PALS2: variants seen among roughly 807,000 people sequenced by gnomAD.
The protein encoded by PALS2 is protein associated with LIN7 2, MAGUK p55 family member, also known as protein PALS2.
A neutral mutation model predicts 61.6 loss-of-function variants in PALS2; 27 were observed. That is an observed-to-expected ratio of 0.44 (90% CI 0.32 to 0.60). PALS2 has a LOEUF of 0.60. Among genes scored for constraint, PALS2 ranks in the 20% least tolerant of loss-of-function variants. The probability of loss-of-function intolerance (pLI) is 0.05; values close to 1 mark genes in which losing one functional copy is unlikely to be tolerated. For synonymous variants in PALS2, 236 were observed against 218.6 expected, an observed-to-expected ratio of 1.08 and a Z score of -0.70; for missense variants, 554 against 639.4, an observed-to-expected ratio of 0.87 and a Z score of 1.44.
rs141729135 is a variant in PALS2, at chr7:24,634,555, G to A, written c.118-7161G>A. On this transcript the variant is annotated intron_variant, in intron 2 of 11. Coordinates refer to ENST00000222644, the MANE Select transcript of PALS2 (RefSeq NM_001303037.2). ...GAAGCACAGAAGCTTTTAATTTGATGAAGTCCAAGTTGTCTTTTTGTCTTT... is the reference window on the plus strand; with the variant it reads ...GAAGCACAGAAGCTTTTAATTTGATAAAGTCCAAGTTGTCTTTTTGTCTTT... Among the ~76,000 whole-genome samples, 61 of 152,210 alleles carry A rather than the reference G, an allele frequency of 4.0e-4. 1 individual carries two copies. Among genetic ancestry groups the A allele is most frequent in the Middle Eastern group, 3.4e-3 (1 of 294 alleles).
chr7:24,630,474 A>G (rs1784952195), intron 2 of PALS2, among the ~76,000 whole-genome samples: 1 of 152,126 alleles, frequency 6.6e-6, no homozygotes, highest in African/African-American at 2.4e-5. Flanking sequence ...CCAGAACTTA[A>G]AGTATAATAA....
rs1788240798 is a variant in PALS2, at chr7:24,687,073, T to C, written c.1447-365T>C. ...ACCATGTTGTACATGGGCCATGAGATAAAAATCTTTCGAAAAGGATGATAT... is the reference window on the plus strand; with the variant it reads ...ACCATGTTGTACATGGGCCATGAGACAAAAATCTTTCGAAAAGGATGATAT... On this transcript the variant is annotated intron_variant, in intron 11 of 11. Coordinates refer to ENST00000222644, the MANE Select transcript of PALS2 (RefSeq NM_001303037.2). This position sits in a 1 kb window ranked among gnomAD's most constrained non-coding sequence, Gnocchi z 4.5. Among the ~76,000 whole-genome samples, 1 of 152,206 alleles carries C rather than the reference T, an allele frequency of 6.6e-6. No homozygotes were observed. The highest frequency in any genetic ancestry group is 6.5e-5 in the Admixed American group (1 of 15,284).
chr7:24,600,476 T>C (rs1783680728), intron 1 of PALS2, among the ~76,000 whole-genome samples: 1 of 152,188 alleles, frequency 6.6e-6, no homozygotes, highest in Non-Finnish European at 1.5e-5. Flanking sequence ...GTATAACATA[T>C]AATATTCAAA....
intron 11 of PALS2, among the ~76,000 whole-genome samples, chr7:24,684,248 C>T (rs1471914750): frequency 3.3e-5 from 5 of 152,102 alleles, no homozygotes; most frequent in South Asian, 2.1e-4. Flanking sequence ...TACAGGCATG[C>T]GCCACCACAC....
At chr7:24,607,139 AG>A (rs1783929349) in intron 1 of PALS2, among the ~76,000 whole-genome samples, 1 of 152,110 alleles carries the variant, frequency 6.6e-6, no homozygotes, top group Non-Finnish European at 1.5e-5. Context: ...TATATTTTTC[AG>A]GTAAGAAGAT....
chr7:24,678,047 C>T lies in PALS2; in HGVS notation c.1115-1084C>T, dbSNP rs537679097. ...AGTTAATAATTCCATCAGTTATTCT[C>T]CAACTACTTAGCTAATAGAAACAGG... On this transcript the variant is annotated intron_variant, in intron 9 of 11. Transcript: ENST00000222644. Among the ~76,000 whole-genome samples, 7 of 152,274 alleles carry T rather than the reference C, an allele frequency of 4.6e-5. No homozygotes were observed. The South Asian group carries it at 1.2e-3, about 27-fold the overall frequency.
intron 8 of PALS2, among the ~76,000 whole-genome samples, chr7:24,668,262 A>G (rs1165973143): frequency 6.6e-6 from 1 of 152,144 alleles, no homozygotes; most frequent in African/African-American, 2.4e-5. Flanking sequence ...GTGAGCTAAG[A>G]TTGCACCACT....
At chr7:24,648,618 A>G (rs1419656338) in intron 3 of PALS2, among the ~76,000 whole-genome samples, 18 of 152,126 alleles carry the variant, frequency 1.2e-4, no homozygotes. Flanking sequence ...TTAGGATAAG[A>G]AATGAAAAAA....
rs1238608330 is a variant in PALS2 at position 24,596,805 on chromosome 7, G to A, written c.-3+23212G>A. On this transcript the variant is annotated intron_variant, in intron 1 of 11. Coordinates refer to ENST00000222644, the MANE Select transcript of PALS2 (RefSeq NM_001303037.2). The surrounding 1 kb of genome is among the most constrained non-coding windows in gnomAD (Gnocchi z 4.5). ...GACATAGTAGGAAGCATGGACTGTG[G>A]TGGGGAGAGATTGGGGATTAGTATA... 6.6e-6 allele frequency among the ~76,000 whole-genome samples: 1 copy of A among 152,172 alleles called. No homozygotes were observed. The highest frequency in any genetic ancestry group is 2.4e-5 in the African/African-American group (1 of 41,450).
intron 1 of PALS2, among the ~76,000 whole-genome samples, chr7:24,574,885 A>G (rs1001025055): frequency 6.6e-6 from 1 of 152,144 alleles, no homozygotes; most frequent in African/African-American, 2.4e-5. Flanking sequence ...ATAGCAACGG[A>G]CCTCAAGTAA....
chr7:24,650,362 C>A, intron 4 of PALS2, 123 bp from the exon 5 acceptor site: 1 of 809,530 alleles, frequency 1.2e-6, no homozygotes, highest in South Asian at 1.9e-5. Flanking sequence ...CAGGAGAGAA[C>A]ATGGGAAAAG....
At chr7:24,579,743 T>G (rs1379204029) in intron 1 of PALS2, among the ~76,000 whole-genome samples, 3 of 152,220 alleles carry the variant, frequency 2.0e-5, no homozygotes, top group Non-Finnish European at 4.4e-5. Context: ...ATAATTCTTA[T>G]GTTTTTGGAA....
At chr7:24,684,833 A>C (rs1788111460) in intron 11 of PALS2, among the ~76,000 whole-genome samples, 1 of 152,218 alleles carries the variant, frequency 6.6e-6, no homozygotes, top group South Asian at 2.1e-4. Flanking sequence ...TATAAATATA[A>C]ATAAACTAAG....
intron 11 of PALS2, among the ~76,000 whole-genome samples, chr7:24,680,741 A>G (rs1418348605): frequency 6.6e-6 from 1 of 152,078 alleles, no homozygotes; most frequent in Non-Finnish European, 1.5e-5. Context: ...GATTACAGGC[A>G]TGCGCTACCA....
chr7:24,639,523 C>T (rs1039133023), intron 2 of PALS2, among the ~76,000 whole-genome samples: 1 of 151,438 alleles, frequency 6.6e-6, no homozygotes, highest in Admixed American at 6.6e-5. Flanking sequence ...TTGAAGCTTT[C>T]TTTTTATACT....
At position 24,666,008 on chromosome 7, in the gene PALS2, T is replaced by C; in HGVS notation, c.884-13T>C. The C allele has an allele frequency of 6.3e-7, 1 of 1,598,234 alleles. No individual in the cohort carries two copies. Among genetic ancestry groups the C allele is most frequent in the Non-Finnish European group, 8.6e-7 (1 of 1,167,890 alleles). ...TATACTGCTTAAGTTATATTTGTTT[T>C]ATCATCCTTCAGGACCTTTTTGTGG... On this transcript the variant is annotated splice_polypyrimidine_tract_variant and intron_variant, in intron 7 of 11. Coordinates refer to ENST00000222644, the MANE Select transcript of PALS2 (RefSeq NM_001303037.2).
Position 24,641,852 on chromosome 7 carries a change from A to G in PALS2, c.254A>G (p.Lys85Arg). ...GTGGCAGAATTGGTTGGTATACTCA[A>G]AGAACCTCACTTCCAGGTAACTTTC... ...ENVAELVGILKEPHFQSLLEA... is the reference protein window; with the variant it reads ...ENVAELVGILREPHFQSLLEA... Residue 85 changes from lysine to arginine, a missense_variant, in exon 3 of 12, where the codon AAA becomes AGA. By Grantham distance (26) the Lys-to-Arg change is conservative (BLOSUM62 2). Coordinates refer to ENST00000222644, the MANE Select transcript of PALS2 (RefSeq NM_001303037.2). 1.2e-6 allele frequency: 2 copies of G among 1,612,430 alleles called. No homozygotes were observed. The highest frequency in any genetic ancestry group is 1.7e-6 in the Non-Finnish European group (2 of 1,179,532).
intron 1 of PALS2, among the ~76,000 whole-genome samples, chr7:24,587,821 T>G (rs1182194852): frequency 1.3e-5 from 2 of 152,196 alleles, no homozygotes; most frequent in Admixed American, 6.5e-5. Flanking sequence ...ATGACCATAC[T>G]GTCTCTAGAA....
In PALS2 at chr7:24,672,874, A is replaced by G. The variant is rs994756920; in HGVS notation, c.1114+4214A>G. ...AGATCGTTTTACTTGTTTCTTTCCA[A>G]TCTGGGTGCTGTTTATGTCGTTGTC... On this transcript the variant is annotated intron_variant, in intron 9 of 11. Transcript: ENST00000222644. 7.9e-5 allele frequency among the ~76,000 whole-genome samples: 12 copies of G among 152,098 alleles called. No homozygotes were observed. The East Asian group carries it at 1.2e-3, about 15-fold the overall frequency.
Sources: allele counts gnomAD v4.1 joint callset (sites outside exome capture counted in the v4.1 genomes callset), GRCh38; gene constraint gnomAD v4.1.1; non-coding constraint Gnocchi (gnomAD v3.1); transcripts MANE v1.5; gene names NCBI Gene and HGNC (gene_info 2026-07-23, HGNC 2026-07-21).